CLDN16: variants seen among roughly 807,000 people sequenced by gnomAD.
The protein encoded by CLDN16 is claudin-16.
CLDN16 carries 13 observed loss-of-function variants against 24.6 expected under a neutral mutation model. The observed-to-expected ratio is 0.53, with a 90% CI of 0.34 to 0.84. The LOEUF is 0.84. Ranked by LOEUF, CLDN16 falls within the 40% of genes least tolerant of loss-of-function variation. The probability of loss-of-function intolerance (pLI) is 0.01; values close to 1 mark genes in which losing one functional copy is unlikely to be tolerated. For missense variants in CLDN16, 298 were observed against 292.7 expected (o/e 1.02, Z -0.13); for synonymous variants, 116 against 106.7 (o/e 1.09, Z -0.54).
the CLDN16 span, chr3:190,312,856 G>A: frequency 1.2e-6 from 2 of 1,613,290 alleles, no homozygotes; most frequent in Admixed American, 1.7e-5. Context: ...TGAAAGGGGG[G>A]CACAGCCTCT....
chr3:190,332,808 T>G (rs1717212908), intron 1 of CLDN16, among the ~76,000 whole-genome samples: 1 of 151,594 alleles, frequency 6.6e-6, no homozygotes, highest in Admixed American at 6.6e-5. Flanking sequence ...ATACTATGGC[T>G]TAAGAGACTG....
intron 1 of CLDN16, among the ~76,000 whole-genome samples, chr3:190,343,093 G>T (rs150730161): frequency 1.3e-5 from 2 of 152,234 alleles, no homozygotes; most frequent in Admixed American, 1.3e-4. Context: ...GATTTATAAA[G>T]ATCTCATCCA....
chr3:190,296,678 T>A, the CLDN16 span, among the ~76,000 whole-genome samples: 1 of 151,088 alleles, frequency 6.6e-6, no homozygotes, highest in Non-Finnish European at 1.5e-5. Flanking sequence ...GCCTCCCGAG[T>A]AGCTGGAACT....
At chr3:190,331,926 G>A (rs1717188545) in intron 1 of CLDN16, among the ~76,000 whole-genome samples, 1 of 152,082 alleles carries the variant, frequency 6.6e-6, no homozygotes, top group East Asian at 1.9e-4. Context: ...CTTGGCTCAT[G>A]GCCATCTTCC....
intron 1 of CLDN16, among the ~76,000 whole-genome samples, chr3:190,361,062 T>G (rs1361696334): frequency 6.6e-6 from 1 of 152,000 alleles, no homozygotes; most frequent in East Asian, 1.9e-4. Context: ...TCAATTTTAT[T>G]TATGTTAAAA....
intron 1 of CLDN16, among the ~76,000 whole-genome samples, chr3:190,356,952 A>T (rs369847204): frequency 1.3e-5 from 2 of 152,066 alleles, no homozygotes; most frequent in East Asian, 3.9e-4. Flanking sequence ...ATAATTCGCT[A>T]TGTAGATTAT....
intron 2 of CLDN16, among the ~76,000 whole-genome samples, chr3:190,404,208 A>C (rs1308728590): frequency 6.6e-6 from 1 of 152,216 alleles, no homozygotes; most frequent in South Asian, 2.1e-4. Flanking sequence ...CTTCTACTTA[A>C]TAGCACAAAC....
At chr3:190,371,444 A>G (rs1863235) in intron 2 of CLDN16, among the ~76,000 whole-genome samples, 134,606 of 151,894 alleles carry the variant, frequency 0.89, 59,671 homozygotes, top group East Asian at 0.94. Context: ...GCCAGGATAT[A>G]GGAACAAGTG....
At chr3:190,320,558 A>G (rs1716891866), upstream of CLDN16, among the ~76,000 whole-genome samples, 1 of 152,376 alleles carries the variant, frequency 6.6e-6, no homozygotes. Flanking sequence ...AGCTGAAATA[A>G]TAACACTCAA....
chr3:190,408,506 G>T lies in CLDN16; in HGVS notation c.574+1G>T. 6.2e-7 allele frequency: 1 copy of T among 1,613,384 alleles called. No homozygotes were observed. The highest frequency in any genetic ancestry group is 8.5e-7 in the Non-Finnish European group (1 of 1,179,592). On this transcript the variant is annotated splice_donor_variant, in intron 4 of 4. Coordinates refer to ENST00000264734, the MANE Select transcript of CLDN16 (RefSeq NM_006580.4). LOFTEE classifies it high-confidence loss of function. ...ACCTGCTGCTTATATCTTTTTAAAG[G>T]TAAGAATAAAATAAAATAGCAAATT...
chr3:190,322,226 G>C, upstream of CLDN16: 2 of 1,610,102 alleles, frequency 1.2e-6, no homozygotes, highest in Non-Finnish European at 8.5e-7. Context: ...GGGCGCCCGC[G>C]CTGGCTCAGG....
intron 1 of CLDN16, among the ~76,000 whole-genome samples, chr3:190,400,104 C>G (rs2108667858): frequency 6.6e-6 from 1 of 152,264 alleles, no homozygotes; most frequent in South Asian, 2.1e-4. Context: ...TTGAAGACCA[C>G]TGGTATAGAA....
chr3:190,337,120 A>T (rs1717329148), intron 1 of CLDN16, among the ~76,000 whole-genome samples: 1 of 152,212 alleles, frequency 6.6e-6, no homozygotes, highest in South Asian at 2.1e-4. Context: ...CTGCTGTTGT[A>T]ATATAGCCCC....
the CLDN16 span, among the ~76,000 whole-genome samples, chr3:190,296,548 A>ATT: frequency 0.091 from 12,120 of 133,632 alleles, 716 homozygotes; most frequent in Admixed American, 0.16. Flanking sequence ...GTCAGATTTA[A>ATT]TTTTTTTTTT....
intron 1 of CLDN16, among the ~76,000 whole-genome samples, chr3:190,395,466 T>A (rs933974639): frequency 9.9e-5 from 15 of 152,036 alleles, no homozygotes; most frequent in African/African-American, 3.4e-4. Flanking sequence ...TAATATAAAA[T>A]GTAAAGGTAA....
chr3:190,303,770 T>A, the CLDN16 span, among the ~76,000 whole-genome samples: 2 of 152,180 alleles, frequency 1.3e-5, no homozygotes, highest in African/African-American at 4.8e-5. Flanking sequence ...TATTATTGAC[T>A]ATTCTTTGGA....
intron 2 of CLDN16, among the ~76,000 whole-genome samples, chr3:190,373,889 C>G (rs1037922460): frequency 6.6e-6 from 1 of 151,218 alleles, no homozygotes; most frequent in African/African-American, 2.4e-5. Flanking sequence ...GGTGGTCTGG[C>G]AAGAGACCTG....
intron 1 of CLDN16, among the ~76,000 whole-genome samples, chr3:190,393,667 T>C (rs1021945805): frequency 1.3e-5 from 2 of 151,984 alleles, no homozygotes; most frequent in African/African-American, 4.8e-5. Context: ...CAGAGAAATA[T>C]AAGGTTTAAA....
At chr3:190,309,977 C>T in the CLDN16 span, among the ~76,000 whole-genome samples, 6 of 152,140 alleles carry the variant, frequency 3.9e-5, no homozygotes, top group African/African-American at 9.7e-5. Context: ...GGTATTTTGT[C>T]ATCAATACAG....
Sources: gnomAD v4.1 joint callset for allele counts (sites outside exome capture counted in the v4.1 genomes callset) on GRCh38, gnomAD v4.1.1 for gene constraint, MANE v1.5 for transcripts, NCBI Gene and HGNC (gene_info 2026-07-23, HGNC 2026-07-21) for gene names.